Variants in KDM5C observed in about 807,000 individuals in gnomAD.
The protein encoded by KDM5C is lysine-specific demethylase 5C.
A neutral mutation model predicts 110.6 loss-of-function variants in KDM5C; 16 were observed. The ratio of observed to expected loss-of-function variants is 0.14; its 90% CI spans 0.10 to 0.22. KDM5C has a LOEUF of 0.22. KDM5C is among the 10% of genes least tolerant of loss of function. KDM5C has a pLI of 1.00. For missense variants in KDM5C, 681 were observed against 1,300.9 expected, an observed-to-expected ratio of 0.52 and a Z score of 7.33; for synonymous variants, 511 against 520.4, an observed-to-expected ratio of 0.98 and a Z score of 0.24.
intron 10 of KDM5C, among the ~76,000 whole-genome samples, 184 bp from the exon 11 acceptor site, chrX:53,211,041 T>C (rs1194381637): frequency 8.9e-6 from 1 of 111,858 alleles, no homozygotes; most frequent in Non-Finnish European, 1.9e-5. Context: ...AAATTTCAAT[T>C]GTATTCACTT....
intron 14 of KDM5C, 142 bp from the exon 15 acceptor site, chrX:53,199,300 A>G: frequency 1.7e-6 from 1 of 580,369 alleles, no homozygotes; most frequent in South Asian, 2.7e-5. Context: ...CAGGGAGCAT[A>G]CCTGCCCTTT....
intron 14 of KDM5C, 121 bp downstream of exon 14, chrX:53,201,429 C>T (rs782109907): frequency 4.2e-5 from 28 of 664,247 alleles, no homozygotes; most frequent in South Asian, 4.1e-4. Flanking sequence ...GGTTTTCAAT[C>T]GAGATGCATC....
At chrX:53,195,533 G>A (rs1556836160) in intron 20 of KDM5C, 123 bp from the exon 21 acceptor site, 1 of 684,880 alleles carries the variant, frequency 1.5e-6, no homozygotes, top group African/African-American at 2.1e-5. Context: ...AAAAATAGGT[G>A]TCATCCTAAG....
At position 53,199,187 on chromosome X, in the gene KDM5C, A is replaced by G. The variant is rs144595242; in HGVS notation, c.2062-29T>C. ...AGGGCATTTAACCTATGCGTTATAT[A>G]TAACCAGAACCAGGTAGCAAAATCC... On this transcript the variant is annotated intron_variant, in intron 14 of 25. Transcript: ENST00000375401. The G allele has an allele frequency of 8.0e-4, 954 of 1,197,939 alleles. 7 individuals are homozygous for G. The African/African-American group carries it at 0.015, about 19-fold the overall frequency.
chrX:53,204,601 A>C (rs2073262971), intron 12 of KDM5C, among the ~76,000 whole-genome samples: 1 of 110,327 alleles, frequency 9.1e-6, no homozygotes, highest in Non-Finnish European at 1.9e-5. Flanking sequence ...GGTTCATGCC[A>C]TTCTCCTGCC....
chrX:53,204,175 C>T (rs1556843896), intron 12 of KDM5C, among the ~76,000 whole-genome samples: 2 of 110,223 alleles, frequency 1.8e-5, no homozygotes, highest in Non-Finnish European at 3.8e-5. Flanking sequence ...TCTAGCTAAG[C>T]CATTTAGTTT....
At chrX:53,202,645 C>A (rs1296945823) in intron 12 of KDM5C, 1 of 112,125 alleles carries the variant, frequency 8.9e-6, no homozygotes, top group Non-Finnish European at 1.9e-5. Context: ...GACAGATCTC[C>A]TATTTCCTAG....
At chrX:53,214,127 G>T (rs1406164581) in intron 8 of KDM5C, 1 of 110,048 alleles carries the variant, frequency 9.1e-6, no homozygotes, top group Non-Finnish European at 1.9e-5. Context: ...GCTAATTTTT[G>T]TATCTTTTTT....
At chrX:53,222,780 C>T (rs782738070) in intron 1 of KDM5C, among the ~76,000 whole-genome samples, 3 of 111,608 alleles carry the variant, frequency 2.7e-5, no homozygotes, top group Non-Finnish European at 5.7e-5. Flanking sequence ...TACCCACACT[C>T]TCCTCCCACC....
intron 1 of KDM5C, 59 bp from the exon 2 acceptor site, chrX:53,220,975 A>G: frequency 9.8e-7 from 1 of 1,018,140 alleles, no homozygotes; most frequent in Non-Finnish European, 1.4e-6. Flanking sequence ...TAAGACCGGA[A>G]GTCACCAAAA....
chrX:53,185,870 C>T (rs1473790598), intron 25 of KDM5C, among the ~76,000 whole-genome samples: 1 of 111,745 alleles, frequency 8.9e-6, no homozygotes, highest in Non-Finnish European at 1.9e-5. Flanking sequence ...TTCCCCAGTT[C>T]ATAGACCAGA....
chrX:53,203,852 G>A (rs5978143), intron 12 of KDM5C, among the ~76,000 whole-genome samples: 1 of 107,058 alleles, frequency 9.3e-6, no homozygotes, highest in African/African-American at 3.4e-5. Flanking sequence ...CTGCAACCTC[G>A]GCCTCCCGGG....
At chrX:53,205,676 T>A (rs2073303934) in intron 12 of KDM5C, among the ~76,000 whole-genome samples, 1 of 111,876 alleles carries the variant, frequency 8.9e-6, no homozygotes, top group Admixed American at 9.5e-5. Context: ...AGTTTGTTGC[T>A]CTTTTGCAGC....
At chrX:53,197,734 CCCCTTGAT>C in intron 18 of KDM5C, 29 bp downstream of exon 18, 1 of 1,074,852 alleles carries the variant, frequency 9.3e-7, no homozygotes, top group South Asian at 2.0e-5. Flanking sequence ...GTCCCCTGGT[CCCCTTGAT>C]CCCTCATCAG....
chrX:53,217,617 G>A (rs1051001912), intron 4 of KDM5C, among the ~76,000 whole-genome samples, 179 bp downstream of exon 4: 8 of 111,881 alleles, frequency 7.2e-5, no homozygotes, highest in Admixed American at 2.9e-4. Context: ...TAAGCTAGCC[G>A]TACAGATAAC....
chrX:53,194,366 G>A lies in KDM5C; in HGVS notation c.3811C>T (p.Arg1271Trp), dbSNP rs1934663562. 8.3e-7 allele frequency: 1 copy of A among 1,210,856 alleles called. No individual in the cohort carries two copies. The highest frequency in any genetic ancestry group is 1.7e-5 in the African/African-American group (1 of 57,711). Reference protein sequence around the residue: ...LLVALQRLPVRLPEGEALQCL... With the variant: ...LLVALQRLPVWLPEGEALQCL... The stretch of plus-strand genomic sequence containing the variant: ...TGCAGGGCCTCGCCCTCGGGCAGCC[G>A]CACAGGCAGTCTCTGCAGGGCTACC... The change falls in exon 23 of 26, where the codon CGG becomes TGG. Residue 1271 changes from arginine to tryptophan, a missense_variant. Physicochemically the swap from Arg to Trp is moderately radical, Grantham distance 101 (BLOSUM62 -3). Coordinates refer to ENST00000375401, the MANE Select transcript of KDM5C (RefSeq NM_004187.5).
intron 4 of KDM5C, among the ~76,000 whole-genome samples, chrX:53,217,586 A>G (rs782574770): frequency 9.6e-4 from 108 of 112,324 alleles, no homozygotes; most frequent in African/African-American, 3.4e-3. Context: ...TCTATCAGTT[A>G]AAACTTTGTC....
intron 12 of KDM5C, among the ~76,000 whole-genome samples, chrX:53,204,321 G>A (rs1445323057): frequency 9.4e-6 from 1 of 105,836 alleles, no homozygotes; most frequent in African/African-American, 3.5e-5. Context: ...GAGAATGATG[G>A]CTGGGAACCT....
In KDM5C at chrX:53,192,304, T is replaced by G; in HGVS notation, c.*663A>C. ...TTAATTACACACCAACAATCTTCTT[T>G]TATTACAACATGAACCCAGGAGGAG... On this transcript the variant is annotated 3_prime_UTR_variant, in exon 26 of 26. Transcript: ENST00000375401. 5.6e-6 allele frequency: 1 copy of G among 177,046 alleles called. No homozygotes were observed. The highest frequency in any genetic ancestry group is 1.1e-5 in the Non-Finnish European group (1 of 92,817). The allele number at this position is 177,046 out of a possible 1,213,427, so 14.6% of individuals were successfully genotyped here.
Sources: allele counts gnomAD v4.1 joint callset (sites outside exome capture counted in the v4.1 genomes callset), GRCh38; gene constraint gnomAD v4.1.1; transcripts MANE v1.5; gene names NCBI Gene and HGNC (gene_info 2026-07-23, HGNC 2026-07-21).